RABGEF1: variants seen among roughly 807,000 people sequenced by gnomAD.
The protein encoded by RABGEF1 is rab5 GDP/GTP exchange factor.
Under a neutral mutation model 57.3 loss-of-function variants are expected in RABGEF1, and 26 were observed. That is an observed-to-expected ratio of 0.45 (90% CI 0.33 to 0.63). The LOEUF (loss-of-function observed/expected upper bound fraction) is 0.63. Ranked by LOEUF, RABGEF1 falls within the 20% of genes least tolerant of loss-of-function variation. The probability of loss-of-function intolerance (pLI) is 0.02; values close to 1 mark genes in which losing one functional copy is unlikely to be tolerated. For missense variants in RABGEF1, 464 were observed against 607.6 expected, an observed-to-expected ratio of 0.76 and a Z score of 2.48; for synonymous variants, 185 against 210.7, an observed-to-expected ratio of 0.88 and a Z score of 1.06.
At chr7:66,662,967 T>C in the RABGEF1 span, among the ~76,000 whole-genome samples, 40 of 152,270 alleles carry the variant, frequency 2.6e-4, 1 homozygote, top group South Asian at 1.2e-3. Context: ...TGTGTGCAGG[T>C]GTGTATGTTC....
At chr7:66,736,368 AGT>A (rs1464832898), upstream of RABGEF1, among the ~76,000 whole-genome samples, 1 of 152,232 alleles carries the variant, frequency 6.6e-6, no homozygotes, top group East Asian at 1.9e-4. Context: ...GGTGATGGAT[AGT>A]CTCAGTGCAG....
intron 1 of RABGEF1, chr7:66,768,767 T>G (rs1448788062): frequency 5.9e-5 from 9 of 152,208 alleles, no homozygotes; most frequent in Admixed American, 2.6e-4. Flanking sequence ...TCTTGAGTTC[T>G]CCTCAGCAAT....
At chr7:66,710,449 G>C (rs1040902579) in intron 1 of RABGEF1, among the ~76,000 whole-genome samples, 4 of 152,200 alleles carry the variant, frequency 2.6e-5, no homozygotes, top group African/African-American at 9.6e-5. Context: ...AATCTTTTAA[G>C]AAACTGCTAA....
chr7:66,779,653 CAGAG>C (rs1373048176), intron 3 of RABGEF1, among the ~76,000 whole-genome samples: 1 of 145,820 alleles, frequency 6.9e-6, no homozygotes, highest in Admixed American at 6.9e-5. Context: ...GCCTGGGTGA[CAGAG>C]CGAGACCCTG....
At chr7:66,728,539 G>A (rs544546442) in intron 2 of RABGEF1, among the ~76,000 whole-genome samples, 1 of 128,896 alleles carries the variant, frequency 7.8e-6, no homozygotes, top group Non-Finnish European at 1.5e-5. Flanking sequence ...CATCACCAGT[G>A]TCTTCACCAT....
intron 1 of RABGEF1, among the ~76,000 whole-genome samples, chr7:66,766,645 A>G (rs1201685194): frequency 3.3e-5 from 5 of 152,152 alleles, no homozygotes; most frequent in Non-Finnish European, 7.3e-5. Flanking sequence ...TCATTAAATA[A>G]CTATTAAAGA....
At chr7:66,758,614 T>C (rs567247046) in intron 1 of RABGEF1, among the ~76,000 whole-genome samples, 12 of 152,340 alleles carry the variant, frequency 7.9e-5, no homozygotes, top group South Asian at 4.1e-4. Context: ...CTCACGCAGC[T>C]GATCCCCCAT....
At position 66,775,302 on chromosome 7, in the gene RABGEF1, G is replaced by A; in HGVS notation, c.255G>A (p.Lys85=). 6.2e-7 allele frequency: 1 copy of A among 1,613,932 alleles called. No individual in the cohort carries two copies. Among genetic ancestry groups the A allele is most frequent in the Non-Finnish European group, 8.5e-7 (1 of 1,179,848 alleles). ...GGGCCCAATCCCTCACATTCTCCAAGTTTGAAGAAAAGAAAACCAACGAGA... is the reference window on the plus strand; with the variant it reads ...GGGCCCAATCCCTCACATTCTCCAAATTTGAAGAAAAGAAAACCAACGAGA... ...SQGAQSLTFS[K]FEEKKTNEKT... Residue 85 remains lysine, a synonymous_variant, in exon 3 of 9, where the codon AAG becomes AAA. Transcript: ENST00000284957.
chr7:66,773,757 C>T (rs1347595818), intron 2 of RABGEF1: 1 of 453,600 alleles, frequency 2.2e-6, no homozygotes. Flanking sequence ...CCTCTGCTTC[C>T]TGGGCTCAAG....
At chr7:66,775,165 C>A in intron 2 of RABGEF1, 62 bp from the exon 3 acceptor site, 1 of 1,520,834 alleles carries the variant, frequency 6.6e-7, no homozygotes, top group Non-Finnish European at 8.8e-7. Context: ...GAGTAATAAC[C>A]TTCACATACA....
At chr7:66,740,439 CG>C (rs1798635856), upstream of RABGEF1, 1 of 152,086 alleles carries the variant, frequency 6.6e-6, no homozygotes, top group Non-Finnish European at 1.5e-5. Flanking sequence ...CCAGCTGTTG[CG>C]CGTCGGAAGC....
the RABGEF1 span, among the ~76,000 whole-genome samples, chr7:66,655,160 G>A: frequency 6.6e-6 from 1 of 152,228 alleles, no homozygotes; most frequent in Non-Finnish European, 1.5e-5. Flanking sequence ...CCCGGAGTTG[G>A]GAGGGGATTT....
Position 66,795,492 on chromosome 7 carries a change from C to G in RABGEF1, c.514-19C>G, listed in dbSNP as rs572729291. ...CACTTTGTTCAGCTACAAGCAGCCTCTTTGTCTCTCTGTTTCAGGATCTAA... is the reference window on the plus strand; with the variant it reads ...CACTTTGTTCAGCTACAAGCAGCCTGTTTGTCTCTCTGTTTCAGGATCTAA... On this transcript the variant is annotated intron_variant, in intron 4 of 8. Transcript: ENST00000284957. The G allele has an allele frequency of 3.8e-5, 60 of 1,585,220 alleles. No individual in the cohort carries two copies. In the East Asian group the frequency reaches 1.1e-3, roughly 30 times the overall value.
chr7:66,717,653 A>G lies in RABGEF1; in HGVS notation c.-815+5429A>G, dbSNP rs575380488. Among the ~76,000 whole-genome samples the G allele has an allele frequency of 9.2e-5, 14 of 152,224 alleles. No homozygotes were observed. The South Asian group carries it at 2.9e-3, about 32-fold the overall frequency. On this transcript the variant is annotated intron_variant and NMD_transcript_variant, in intron 2 of 9. Coordinates refer to the RABGEF1 transcript ENST00000607882. ...AGCTCACTACAGCCTTGACCTCCCC[A>G]GGCTCAGGAGATCTTCCCATCTCAG...
At chr7:66,730,706 C>T (rs2659896) in intron 2 of RABGEF1, among the ~76,000 whole-genome samples, 51,713 of 151,872 alleles carry the variant, frequency 0.34, 9,193 homozygotes, top group Middle Eastern at 0.49. Flanking sequence ...TACAGGCATC[C>T]GCCACCACAC....
intron 8 of RABGEF1, among the ~76,000 whole-genome samples, chr7:66,807,143 CT>C (rs1351841868): frequency 6.6e-6 from 1 of 152,192 alleles, no homozygotes; most frequent in African/African-American, 2.4e-5. Context: ...GTAGAGGTGG[CT>C]GGCTTGCACA....
At chr7:66,723,509 A>C (rs1796268351) in intron 2 of RABGEF1, among the ~76,000 whole-genome samples, 1 of 152,178 alleles carries the variant, frequency 6.6e-6, no homozygotes, top group Admixed American at 6.5e-5. Flanking sequence ...CATGCATTTT[A>C]CACCTATGAA....
chr7:66,784,590 TAGAA>T (rs1311847190), intron 4 of RABGEF1, among the ~76,000 whole-genome samples: 4 of 152,362 alleles, frequency 2.6e-5, no homozygotes, highest in Non-Finnish European at 4.4e-5. Flanking sequence ...AAGGAAGTCT[TAGAA>T]AGAAAAAGGA....
chr7:66,761,905 G>A (rs1256484226), intron 1 of RABGEF1, among the ~76,000 whole-genome samples: 1 of 152,038 alleles, frequency 6.6e-6, no homozygotes, highest in Admixed American at 6.6e-5. Context: ...ACAAAAATTA[G>A]CTGGGCATGG....
Sources: allele counts gnomAD v4.1 joint callset (sites outside exome capture counted in the v4.1 genomes callset), GRCh38; gene constraint gnomAD v4.1.1; transcripts MANE v1.5; gene names NCBI Gene and HGNC (gene_info 2026-07-23, HGNC 2026-07-21).